KCNK9: variants seen among roughly 807,000 people sequenced by gnomAD.
KCNK9 encodes the protein potassium two pore domain channel subfamily K member 9.
Under a neutral mutation model 10.8 loss-of-function variants are expected in KCNK9, and 1 was observed. That is an observed-to-expected ratio of 0.09 (90% CI 0.03 to 0.44). The LOEUF is 0.44. KCNK9 is among the 20% of genes least tolerant of loss of function. The pLI is 0.97. For synonymous variants in KCNK9, 231 were observed against 222.7 expected (o/e 1.04, Z -0.33); for missense variants, 303 against 515.0 (o/e 0.59, Z 3.98).
intron 1 of KCNK9, among the ~76,000 whole-genome samples, chr8:139,641,677 C>G (rs189804877): frequency 6.6e-6 from 1 of 152,090 alleles, no homozygotes; most frequent in Non-Finnish European, 1.5e-5. Flanking sequence ...CAGGATACCT[C>G]GCTGCCACCT....
chr8:139,612,012 G>T (rs1344807074), downstream of KCNK9: 5 of 152,240 alleles, frequency 3.3e-5, no homozygotes, highest in African/African-American at 9.6e-5. Flanking sequence ...CCCTGGTGCG[G>T]TCGCTCACAA....
At chr8:139,664,755 C>A (rs1292257579) in intron 1 of KCNK9, among the ~76,000 whole-genome samples, 1 of 152,198 alleles carries the variant, frequency 6.6e-6, no homozygotes, top group Admixed American at 6.5e-5. Context: ...CAGGGTCTTG[C>A]CCAGTTCTCC....
chr8:139,655,890 G>A (rs1046653408), intron 1 of KCNK9, among the ~76,000 whole-genome samples: 2 of 152,188 alleles, frequency 1.3e-5, no homozygotes, highest in East Asian at 1.9e-4. Flanking sequence ...GCGATGCTGT[G>A]GAGCCTTGGG....
chr8:139,675,254 C>T (rs184476809), intron 1 of KCNK9, among the ~76,000 whole-genome samples: 6 of 152,318 alleles, frequency 3.9e-5, no homozygotes, highest in Non-Finnish European at 8.8e-5. Flanking sequence ...GGGGAGACAT[C>T]CCAGCACCTC....
At chr8:139,637,785 A>ACACACACACACACAC (rs3032725) in intron 1 of KCNK9, among the ~76,000 whole-genome samples, 10 of 149,660 alleles carry the variant, frequency 6.7e-5, no homozygotes, top group South Asian at 4.3e-4. Context: ...ACACACACAC[A>ACACACACACACACAC]ATAATAGTAA....
rs190723861 is a variant in KCNK9, at chr8:139,663,710, T to C, written c.283+39000A>G. Among the ~76,000 whole-genome samples the C allele has an allele frequency of 2.8e-5, 4 of 144,986 alleles. No individual in the cohort carries two copies. In the East Asian group the frequency reaches 8.1e-4, roughly 29 times the overall value. On this transcript the variant is annotated intron_variant, in intron 1 of 1. Coordinates refer to ENST00000520439, the MANE Select transcript of KCNK9 (RefSeq NM_001282534.2). ...GAGAGAGAGATAGAGAGAGAGAAGG[T>C]GCTTTTGTGCCAATTCCAGCCTTAA...
chr8:139,651,093 TG>T (rs1210985632), intron 1 of KCNK9, among the ~76,000 whole-genome samples: 2 of 152,114 alleles, frequency 1.3e-5, no homozygotes, highest in Non-Finnish European at 2.9e-5. Context: ...GGAAGAGTAC[TG>T]GGCTGCAGGT....
chr8:139,630,578 T>C (rs1192189354), intron 1 of KCNK9, among the ~76,000 whole-genome samples: 1 of 152,152 alleles, frequency 6.6e-6, no homozygotes, highest in East Asian at 1.9e-4. Flanking sequence ...GCCTGCACCA[T>C]ATCTGCCAAT....
chr8:139,654,312 G>A (rs1815955846), intron 1 of KCNK9, among the ~76,000 whole-genome samples: 1 of 152,176 alleles, frequency 6.6e-6, no homozygotes. Flanking sequence ...CCTTCATCTG[G>A]GGATGGCTCT....
chr8:139,634,639 C>T (rs1011949776), intron 1 of KCNK9, among the ~76,000 whole-genome samples: 1 of 152,174 alleles, frequency 6.6e-6, no homozygotes, highest in African/African-American at 2.4e-5. Context: ...GAGGATGGCT[C>T]AGACCCCAAT....
chr8:139,613,891 G>C (rs1036089325), downstream of KCNK9, among the ~76,000 whole-genome samples: 1 of 152,224 alleles, frequency 6.6e-6, no homozygotes, highest in Non-Finnish European at 1.5e-5. Flanking sequence ...GCCACAGTTT[G>C]CCAGAGTGCT....
chr8:139,633,042 C>T (rs543859321), intron 1 of KCNK9, among the ~76,000 whole-genome samples: 85 of 152,194 alleles, frequency 5.6e-4, no homozygotes, highest in African/African-American at 2.0e-3. Context: ...CTCAGGGACA[C>T]GAGTAGCAGT....
intron 1 of KCNK9, among the ~76,000 whole-genome samples, chr8:139,629,162 T>C (rs1370365446): frequency 6.6e-6 from 1 of 152,194 alleles, no homozygotes; most frequent in Non-Finnish European, 1.5e-5. Context: ...TCGATACACA[T>C]CAGCTGTCAT....
chr8:139,637,882 C>A (rs992596009), intron 1 of KCNK9, among the ~76,000 whole-genome samples: 5 of 151,968 alleles, frequency 3.3e-5, no homozygotes, highest in Non-Finnish European at 7.4e-5. Flanking sequence ...ACTCCCCACA[C>A]TTCCCTGGGC....
At position 139,658,259 on chromosome 8, in the gene KCNK9, C is replaced by T. The variant is rs546965990; in HGVS notation, c.284-39160G>A. 2.0e-5 allele frequency among the ~76,000 whole-genome samples: 3 copies of T among 152,310 alleles called. No homozygotes were observed. The East Asian group carries it at 5.8e-4, about 29-fold the overall frequency. On this transcript the variant is annotated intron_variant, in intron 1 of 1. Transcript: ENST00000520439. ...AGGGCTGAGAGGAGCCCAGTGAGCACTGCAGCCAGGGGCAGGGACCACCTA... is the reference window on the plus strand; with the variant it reads ...AGGGCTGAGAGGAGCCCAGTGAGCATTGCAGCCAGGGGCAGGGACCACCTA...
chr8:139,662,690 G>A (rs1045976799), intron 1 of KCNK9, among the ~76,000 whole-genome samples: 2 of 152,014 alleles, frequency 1.3e-5, no homozygotes, highest in African/African-American at 4.8e-5. Flanking sequence ...AGGGTGGGCA[G>A]CCACAGCCAT....
chr8:139,611,288 A>G (rs1354268317), downstream of KCNK9: 1 of 152,274 alleles, frequency 6.6e-6, no homozygotes, highest in Non-Finnish European at 1.5e-5. Context: ...ATAATCTCCA[A>G]TTTAAAGGTG....
At chr8:139,659,055 G>C (rs115881852) in intron 1 of KCNK9, among the ~76,000 whole-genome samples, 275 of 152,366 alleles carry the variant, frequency 1.8e-3, no homozygotes, top group African/African-American at 6.4e-3. Context: ...AAGTTAGCCA[G>C]AAAGGCATTC....
intron 1 of KCNK9, among the ~76,000 whole-genome samples, chr8:139,670,186 A>G (rs887835311): frequency 1.3e-5 from 2 of 152,210 alleles, no homozygotes; most frequent in Non-Finnish European, 2.9e-5. Flanking sequence ...ACATTTATCA[A>G]TTAAGTGTGC....
Sources: gnomAD v4.1 joint callset for allele counts (sites outside exome capture counted in the v4.1 genomes callset) on GRCh38, gnomAD v4.1.1 for gene constraint, MANE v1.5 for transcripts, NCBI Gene and HGNC (gene_info 2026-07-23, HGNC 2026-07-21) for gene names.